Variants in LIPC observed in about 807,000 individuals in gnomAD.
LIPC encodes lipase C, hepatic type.
In LIPC, 44 loss-of-function variants were observed where a neutral mutation model predicts 50.7. That is an observed-to-expected ratio of 0.87 (90% CI 0.68 to 1.11). LIPC has a LOEUF of 1.11. Ranked by LOEUF, LIPC falls within the 50% of genes most tolerant of loss-of-function variation. The pLI is 0.00. For missense variants in LIPC, 697 were observed against 648.2 expected (o/e 1.08, Z -0.82); for synonymous variants, 271 against 256.4 (o/e 1.06, Z -0.54).
chr15:58,516,935 T>C (rs1483032598), intron 1 of LIPC, among the ~76,000 whole-genome samples: 2 of 152,246 alleles, frequency 1.3e-5, no homozygotes, highest in Non-Finnish European at 2.9e-5. Context: ...TGGGTATTCC[T>C]ACATTATTTT....
intron 5 of LIPC, among the ~76,000 whole-genome samples, chr15:58,546,378 G>A (rs1170142792): frequency 6.6e-6 from 1 of 152,178 alleles, no homozygotes; most frequent in African/African-American, 2.4e-5. Context: ...AACCACATGA[G>A]GATCCACTTA....
At chr15:58,432,773 G>T (rs1566904431) in intron 1 of LIPC, among the ~76,000 whole-genome samples, 1 of 152,140 alleles carries the variant, frequency 6.6e-6, no homozygotes, top group Non-Finnish European at 1.5e-5. Flanking sequence ...CTAAGCAGTG[G>T]ACCAATAAAT....
intron 1 of LIPC, among the ~76,000 whole-genome samples, chr15:58,509,559 T>C (rs1892269283): frequency 6.6e-6 from 1 of 152,228 alleles, no homozygotes; most frequent in African/African-American, 2.4e-5. Context: ...AATATAATTT[T>C]CTATTTTTCC....
rs1893373553 is a variant in LIPC at position 58,542,671 on chromosome 15, C to G, written c.574+20C>G. 6.6e-7 allele frequency: 1 copy of G among 1,507,150 alleles called. No individual in the cohort carries two copies. The allele number at this position is 1,507,150 out of a possible 1,614,324, so 93.4% of individuals were successfully genotyped here. ...TCACAGGTAACCATGCCTAATAACT[C>G]ACACACTGATCTCCACTCCATAGGG... On this transcript the variant is annotated intron_variant, in intron 4 of 8. Transcript: ENST00000299022.
intron 5 of LIPC, among the ~76,000 whole-genome samples, chr15:58,546,303 C>T (rs545151718): frequency 1.3e-5 from 2 of 152,324 alleles, no homozygotes; most frequent in East Asian, 3.9e-4. Context: ...GAGTTGAGTC[C>T]GGATGCCTGT....
chr15:58,459,704 G>A (rs188389223), intron 1 of LIPC, among the ~76,000 whole-genome samples: 7 of 152,332 alleles, frequency 4.6e-5, no homozygotes, highest in Admixed American at 2.6e-4. Context: ...GCTCTGCACC[G>A]TGTTCTGGTG....
At chr15:58,524,723 C>T (rs998286284) in intron 1 of LIPC, among the ~76,000 whole-genome samples, 8 of 152,196 alleles carry the variant, frequency 5.3e-5, no homozygotes, top group African/African-American at 1.7e-4. Flanking sequence ...GAAACGGCTC[C>T]TCATGTCCTT....
At chr15:58,500,737 C>A (rs1236428549) in intron 1 of LIPC, among the ~76,000 whole-genome samples, 2 of 132,620 alleles carry the variant, frequency 1.5e-5, no homozygotes, top group East Asian at 2.7e-4. Context: ...CTTCTCCCCC[C>A]ACCACCCCCC....
chr15:58,484,786 A>G (rs1180463774), intron 1 of LIPC, among the ~76,000 whole-genome samples: 1 of 152,218 alleles, frequency 6.6e-6, no homozygotes, highest in Non-Finnish European at 1.5e-5. Context: ...ACCACTTACA[A>G]ATGGAGTATG....
intron 1 of LIPC, chr15:58,473,827 T>C (rs1890891884): frequency 6.6e-6 from 1 of 152,446 alleles, no homozygotes; most frequent in South Asian, 2.1e-4. Flanking sequence ...CTCATTGCAA[T>C]GTACCAAGCT....
At chr15:58,565,176 C>A in intron 8 of LIPC, 1 of 1,534,652 alleles carries the variant, frequency 6.5e-7, no homozygotes, top group Non-Finnish European at 8.7e-7. Flanking sequence ...CGTCTGCCAA[C>A]AGATCTCCCA....
intron 1 of LIPC, among the ~76,000 whole-genome samples, chr15:58,534,114 T>C (rs1359426603): frequency 6.6e-6 from 1 of 151,944 alleles, no homozygotes; most frequent in Non-Finnish European, 1.5e-5. Flanking sequence ...TGAACCACAA[T>C]AGGAAACGTA....
At chr15:58,524,119 G>A (rs1002369143) in intron 1 of LIPC, among the ~76,000 whole-genome samples, 1 of 150,920 alleles carries the variant, frequency 6.6e-6, no homozygotes, top group Admixed American at 6.6e-5. Context: ...CATCTGTATC[G>A]TTCCAACATA....
chr15:58,524,863 T>C (rs1275229798), intron 1 of LIPC, among the ~76,000 whole-genome samples: 2 of 152,198 alleles, frequency 1.3e-5, no homozygotes, highest in Non-Finnish European at 2.9e-5. Context: ...TTATTGTTCA[T>C]TTTTTGCCTC....
chr15:58,480,541 C>T (rs1481866555), intron 1 of LIPC, among the ~76,000 whole-genome samples: 1 of 152,108 alleles, frequency 6.6e-6, no homozygotes, highest in Non-Finnish European at 1.5e-5. Context: ...GTGATCCGCC[C>T]CCACCTTGGC....
chr15:58,502,766 G>A lies in LIPC; in HGVS notation c.89-35567G>A, dbSNP rs143940303. On this transcript the variant is annotated intron_variant, in intron 1 of 8. Transcript: ENST00000299022. ...TGAAGAGAATGTACAAAATGAGAAA[G>A]GCATACTCAGTCCTTCACTTACACA... Among the ~76,000 whole-genome samples, 286 of 152,130 alleles carry A rather than the reference G, an allele frequency of 1.9e-3. 13 individuals carry two copies. The East Asian group carries it at 0.045, about 24-fold the overall frequency.
At chr15:58,487,313 C>T (rs1407851581) in intron 1 of LIPC, among the ~76,000 whole-genome samples, 1 of 152,168 alleles carries the variant, frequency 6.6e-6, no homozygotes, top group African/African-American at 2.4e-5. Context: ...AACATCTCTC[C>T]CTCATGGGCT....
intron 8 of LIPC, among the ~76,000 whole-genome samples, chr15:58,568,436 C>T (rs1004145604): frequency 3.9e-5 from 6 of 152,198 alleles, no homozygotes; most frequent in African/African-American, 1.4e-4. Context: ...GATGAGCTGT[C>T]ATAGGGGAGA....
At chr15:58,564,774 C>T (rs941711221) in intron 8 of LIPC, among the ~76,000 whole-genome samples, 1 of 151,926 alleles carries the variant, frequency 6.6e-6, no homozygotes, top group African/African-American at 2.4e-5. Context: ...GATGCTCCAG[C>T]GCTCCTGAAG....
Sources: allele counts gnomAD v4.1 joint callset (sites outside exome capture counted in the v4.1 genomes callset), GRCh38; gene constraint gnomAD v4.1.1; transcripts MANE v1.5; gene names NCBI Gene and HGNC (gene_info 2026-07-23, HGNC 2026-07-21).